The following NRXN3 variants were observed in gnomAD, a reference collection of about 807,000 sequenced individuals.
NRXN3 encodes the protein neurexin III.
Under a neutral mutation model 137.6 loss-of-function variants are expected in NRXN3, and 32 were observed. The observed-to-expected ratio is 0.23, with a 90% confidence interval of 0.18 to 0.31. NRXN3 has a LOEUF of 0.31. NRXN3 is among the 10% of genes least tolerant of loss of function. The pLI is 1.00. For synonymous variants in NRXN3, 798 were observed against 784.5 expected, an observed-to-expected ratio of 1.02 and a Z score of -0.29; for missense variants, 1,574 against 2,062.5, an observed-to-expected ratio of 0.76 and a Z score of 4.59.
chr14:79,505,429 T>A (rs1189802868), intron 16 of NRXN3, among the ~76,000 whole-genome samples: 1 of 152,102 alleles, frequency 6.6e-6, no homozygotes, highest in Non-Finnish European at 1.5e-5. Context: ...AATCCAATTG[T>A]TGAAAGCAGA....
intron 4 of NRXN3, among the ~76,000 whole-genome samples, chr14:78,419,613 G>C (rs2093334029): frequency 6.6e-6 from 1 of 152,256 alleles, no homozygotes; most frequent in Non-Finnish European, 1.5e-5. Context: ...GGCTCAAGGA[G>C]AACTTTCATC....
intron 1 of NRXN3, among the ~76,000 whole-genome samples, chr14:78,206,959 G>T (rs1477842914): frequency 6.6e-6 from 1 of 152,070 alleles, no homozygotes; most frequent in African/African-American, 2.4e-5. Context: ...TGCCTCCCGG[G>T]TTCAAGCAAT....
At chr14:78,751,559 T>G (rs1444074454) in intron 8 of NRXN3, among the ~76,000 whole-genome samples, 2 of 152,164 alleles carry the variant, frequency 1.3e-5, no homozygotes, top group African/African-American at 4.8e-5. Context: ...TAGATCACAT[T>G]AAGCTCCTCA....
intron 15 of NRXN3, among the ~76,000 whole-genome samples, chr14:79,073,426 T>A (rs1325426245): frequency 1.3e-5 from 2 of 152,172 alleles, no homozygotes; most frequent in African/African-American, 4.8e-5. Flanking sequence ...TTTATTTTTC[T>A]TACACACATT....
intron 4 of NRXN3, among the ~76,000 whole-genome samples, chr14:78,520,427 A>G (rs941585325): frequency 1.3e-5 from 2 of 152,112 alleles, no homozygotes; most frequent in Admixed American, 1.3e-4. Flanking sequence ...GATCACATAT[A>G]CTTATTACGT....
intron 15 of NRXN3, among the ~76,000 whole-genome samples, chr14:79,059,104 G>A (rs1395991904): frequency 6.6e-6 from 1 of 152,156 alleles, no homozygotes; most frequent in Non-Finnish European, 1.5e-5. Flanking sequence ...ACCTTACCAA[G>A]TAGATGACAT....
chr14:79,414,794 A>G (rs2095472851), intron 15 of NRXN3, among the ~76,000 whole-genome samples: 1 of 152,102 alleles, frequency 6.6e-6, no homozygotes, highest in African/African-American at 2.4e-5. Context: ...TCCATACTCT[A>G]TATTAGGTCT....
chr14:78,373,184 G>A (rs1354441720), intron 4 of NRXN3, among the ~76,000 whole-genome samples: 1 of 152,190 alleles, frequency 6.6e-6, no homozygotes, highest in East Asian at 1.9e-4. Context: ...GCAAAAGGGA[G>A]CCTTTTACAG....
At chr14:78,283,635 A>G (rs113512909) in intron 3 of NRXN3, among the ~76,000 whole-genome samples, 2,800 of 151,972 alleles carry the variant, frequency 0.018, 82 homozygotes, top group African/African-American at 0.06. Flanking sequence ...CAGCCTCTCG[A>G]GTAGCGAGGA....
At chr14:79,345,842 C>T (rs112773930) in intron 15 of NRXN3, among the ~76,000 whole-genome samples, 2,290 of 152,274 alleles carry the variant, frequency 0.015, 58 homozygotes, top group African/African-American at 0.051. Flanking sequence ...GCTTCCTGTA[C>T]GTCCTGCAGA....
In NRXN3 at chr14:79,190,215, A is replaced by ATT. The variant is rs201153045; in HGVS notation, c.3262+202074_3262+202075insTT. Among the ~76,000 whole-genome samples the ATT allele has an allele frequency of 4.0e-5, 6 of 151,744 alleles. No individual in the cohort carries two copies. The East Asian group carries it at 1.2e-3, about 30-fold the overall frequency. ...TGAAAAGGTCCATAATCCTTACGGAAATTTTTTTTTTAATCATCATCAGGC... is the reference window on the plus strand; with the variant it reads ...TGAAAAGGTCCATAATCCTTACGGAATTATTTTTTTTTTAATCATCATCAGGC... On this transcript the variant is annotated intron_variant, in intron 15 of 20. Coordinates refer to ENST00000335750, the MANE Select transcript of NRXN3 (RefSeq NM_001330195.2).
intron 4 of NRXN3, among the ~76,000 whole-genome samples, chr14:78,421,070 C>T (rs1027695106): frequency 1.3e-5 from 2 of 152,094 alleles, no homozygotes; most frequent in African/African-American, 4.8e-5. Flanking sequence ...CAAGACCATC[C>T]TGGCCAACAT....
chr14:79,759,198 G>C (rs1384459554), intron 19 of NRXN3, among the ~76,000 whole-genome samples: 1 of 147,942 alleles, frequency 6.8e-6, no homozygotes, highest in African/African-American at 2.7e-5. Flanking sequence ...TTTCAAGTCA[G>C]AACTTCTTGT....
At chr14:79,277,487 T>C (rs1471274325) in intron 15 of NRXN3, among the ~76,000 whole-genome samples, 7 of 152,216 alleles carry the variant, frequency 4.6e-5, no homozygotes, top group Admixed American at 2.0e-4. Context: ...CATAAGACCC[T>C]AACCATGTAC....
intron 4 of NRXN3, among the ~76,000 whole-genome samples, chr14:78,591,250 G>A (rs1785052630): frequency 6.6e-6 from 1 of 152,222 alleles, no homozygotes; most frequent in Non-Finnish European, 1.5e-5. Context: ...CACATGGACA[G>A]TGTTGGGTAG....
chr14:79,826,397 G>T (rs1456935130), intron 20 of NRXN3, among the ~76,000 whole-genome samples: 1 of 152,146 alleles, frequency 6.6e-6, no homozygotes, highest in East Asian at 1.9e-4. Flanking sequence ...AGGTTCACCA[G>T]TTGTTAACAT....
intron 8 of NRXN3, among the ~76,000 whole-genome samples, chr14:78,726,515 C>CTTTTTT (rs71452901): frequency 1.6e-4 from 16 of 102,464 alleles, no homozygotes; most frequent in African/African-American, 1.8e-4. Context: ...ACCATTTTAG[C>CTTTTTT]TTTTTTTTTT....
At chr14:78,955,957 C>T (rs1422118505) in intron 10 of NRXN3, among the ~76,000 whole-genome samples, 4 of 152,016 alleles carry the variant, frequency 2.6e-5, no homozygotes, top group Non-Finnish European at 5.9e-5. Flanking sequence ...TTGATGGTTA[C>T]CATAGAAACA....
intron 4 of NRXN3, among the ~76,000 whole-genome samples, chr14:78,466,964 C>A (rs1324586915): frequency 6.6e-6 from 1 of 152,098 alleles, no homozygotes; most frequent in Non-Finnish European, 1.5e-5. Flanking sequence ...GTGTAACAAA[C>A]CTGCACATGT....
Sources: allele counts gnomAD v4.1 joint callset (sites outside exome capture counted in the v4.1 genomes callset), GRCh38; gene constraint gnomAD v4.1.1; transcripts MANE v1.5; gene names NCBI Gene and HGNC (gene_info 2026-07-23, HGNC 2026-07-21).